TXNDC16: variants seen among roughly 807,000 people sequenced by gnomAD.
TXNDC16 encodes the protein thioredoxin domain-containing protein 16.
A neutral mutation model predicts 85.6 loss-of-function variants in TXNDC16; 74 were observed. The observed-to-expected ratio is 0.86, with a 90% CI of 0.72 to 1.05. TXNDC16 has a LOEUF of 1.05. Among genes scored for constraint, TXNDC16 ranks in the 50% least tolerant of loss-of-function variants. The probability of loss-of-function intolerance (pLI) is 0.00; values close to 1 mark genes in which losing one functional copy is unlikely to be tolerated. For missense variants in TXNDC16, 959 were observed against 947.0 expected, an observed-to-expected ratio of 1.01 and a Z score of -0.17; for synonymous variants, 335 against 326.5, an observed-to-expected ratio of 1.03 and a Z score of -0.28.
At chr14:52,540,437 C>CAATATGG (rs1025596625) in intron 4 of TXNDC16, among the ~76,000 whole-genome samples, 1 of 152,090 alleles carries the variant, frequency 6.6e-6, no homozygotes, top group East Asian at 1.9e-4. Flanking sequence ...CCAGCCTGAC[C>CAATATGG]AATATGGTGA....
intron 9 of TXNDC16, among the ~76,000 whole-genome samples, chr14:52,506,681 C>T (rs1392441051): frequency 4.2e-5 from 6 of 143,554 alleles, no homozygotes; most frequent in Middle Eastern, 3.5e-3. Flanking sequence ...CTCAGCCTCC[C>T]GAGTAGCTGG....
At chr14:52,471,604 C>T (rs957478269) in intron 14 of TXNDC16, among the ~76,000 whole-genome samples, 11 of 152,102 alleles carry the variant, frequency 7.2e-5, no homozygotes, top group South Asian at 2.1e-4. Context: ...ATCTGATCAA[C>T]GTCTGTCTCT....
At chr14:52,452,949 T>C (rs1002035115) in intron 18 of TXNDC16, among the ~76,000 whole-genome samples, 5 of 152,090 alleles carry the variant, frequency 3.3e-5, no homozygotes, top group Admixed American at 6.5e-5. Context: ...AAGGGATTAA[T>C]AACCAGAATA....
chr14:52,441,639 A>T (rs2035168471), intron 18 of TXNDC16, among the ~76,000 whole-genome samples: 1 of 151,890 alleles, frequency 6.6e-6, no homozygotes, highest in South Asian at 2.1e-4. Context: ...AAACAAAAAC[A>T]AGATAAGGAG....
Position 52,482,866 on chromosome 14 carries a change from G to C in TXNDC16, c.1208C>G (p.Ala403Gly), listed in dbSNP as rs141217897. Residue 403 changes from alanine (A) to glycine (G), a missense_variant, in exon 13 of 21, where the codon GCA (alanine) becomes GGA (glycine). Coordinates refer to ENST00000281741, the MANE Select transcript of TXNDC16 (RefSeq NM_020784.3). Reference protein sequence around the residue: ...TVELTEETFNATVMASDSIVL... With the variant: ...TVELTEETFNGTVMASDSIVL... ...TATGCTGTCAGAAGCCATCACTGTTGCATTAAATGTTTCTTCTGTTAGTTC... is the reference window on the plus strand; with the variant it reads ...TATGCTGTCAGAAGCCATCACTGTTCCATTAAATGTTTCTTCTGTTAGTTC... 1.3e-4 allele frequency: 209 copies of C among 1,612,116 alleles called. No homozygotes were observed. The African/African-American group carries it at 1.6e-3, about 12-fold the overall frequency.
intron 1 of TXNDC16, among the ~76,000 whole-genome samples, chr14:52,551,471 A>T (rs2038045278): frequency 8.4e-6 from 1 of 119,674 alleles, no homozygotes; most frequent in South Asian, 3.1e-4. Flanking sequence ...TGCATGAAAA[A>T]AAGGAAAAAA....
chr14:52,524,560 C>A (rs2037282965), intron 6 of TXNDC16, among the ~76,000 whole-genome samples: 1 of 152,036 alleles, frequency 6.6e-6, no homozygotes, highest in African/African-American at 2.4e-5. Flanking sequence ...AAAATCATAG[C>A]TCACTGCAGC....
At chr14:52,541,376 C>T (rs1281573867) in intron 4 of TXNDC16, among the ~76,000 whole-genome samples, 1 of 152,026 alleles carries the variant, frequency 6.6e-6, no homozygotes, top group Non-Finnish European at 1.5e-5. Flanking sequence ...TATGATTATC[C>T]CTTTTGAGTT....
intron 16 of TXNDC16, among the ~76,000 whole-genome samples, chr14:52,463,991 G>C (rs2035713833): frequency 6.6e-6 from 1 of 152,128 alleles, no homozygotes; most frequent in South Asian, 2.1e-4. Flanking sequence ...GTCAAATAAT[G>C]AAGTTATCAT....
At chr14:52,498,873 G>C (rs1375016025) in intron 9 of TXNDC16, among the ~76,000 whole-genome samples, 3 of 152,066 alleles carry the variant, frequency 2.0e-5, no homozygotes, top group Admixed American at 6.6e-5. Context: ...AGACAATCTT[G>C]AGAAAGAAGT....
chr14:52,500,746 A>C (rs1040110960), intron 9 of TXNDC16, among the ~76,000 whole-genome samples: 1 of 152,224 alleles, frequency 6.6e-6, no homozygotes, highest in Non-Finnish European at 1.5e-5. Context: ...CTAATTTCCT[A>C]TATAAAAGAG....
At position 52,465,577 on chromosome 14, in the gene TXNDC16, G is replaced by A. The variant is rs1395921302; in HGVS notation, c.1618+4460C>T. On this transcript the variant is annotated intron_variant, in intron 16 of 20. Transcript: ENST00000281741. ...ACTGCACTCCAGCCTGGGCGACAGA[G>A]CAAGACTCCATCTCAAAAAAAAAAA... Among the ~76,000 whole-genome samples, 6 of 139,988 alleles carry A rather than the reference G, an allele frequency of 4.3e-5. No homozygotes were observed. The East Asian group carries it at 1.2e-3, about 28-fold the overall frequency. The allele number at this position is 139,988 out of a possible 152,430, so 91.8% of individuals were successfully genotyped here. A position where few individuals can be genotyped will look rare whatever the true frequency, so the allele number is the denominator to read the frequency against.
chr14:52,544,280 GT>G lies in TXNDC16; in HGVS notation c.-91del, dbSNP rs1218612856. 2 of 152,032 alleles carry G rather than the reference GT, an allele frequency of 1.3e-5. No homozygotes were observed. The highest frequency in any genetic ancestry group is 3.9e-4 in the East Asian group (2 of 5,186). The allele number at this position is 152,032 out of a possible 1,614,324, so 9.4% of individuals were successfully genotyped here. On this transcript the variant is annotated 5_prime_UTR_variant, in exon 2 of 21. Transcript: ENST00000281741. ...CGTACTTACTTCCATGCTGTCCTCT[GT>G]ATCTGCTGTTAATTCTTTATTTTCT...
Position 52,500,251 on chromosome 14 carries a change from G to A in TXNDC16, c.757-9246C>T, listed in dbSNP as rs762611741. On this transcript the variant is annotated intron_variant, in intron 9 of 20. Transcript: ENST00000281741. ...TGGATAAATAAAATGCGGTATATAC[G>A]TCCAACGGAATATTATTCAGCCTTA... 4.6e-5 allele frequency among the ~76,000 whole-genome samples: 7 copies of A among 152,278 alleles called. No homozygotes were observed. In the South Asian group the frequency reaches 6.2e-4, roughly 14 times the overall value.
intron 13 of TXNDC16, 25 bp downstream of exon 13, chr14:52,482,797 C>A: frequency 6.4e-7 from 1 of 1,561,660 alleles, no homozygotes. Context: ...TAATATGTAA[C>A]AGTCCTCTAA....
chr14:52,530,275 T>TA (rs1219425802), intron 6 of TXNDC16, among the ~76,000 whole-genome samples: 1,916 of 62,300 alleles, frequency 0.031, 50 homozygotes, highest in South Asian at 0.059. Context: ...TATATTATTA[T>TA]TTAATATATA....
intron 4 of TXNDC16, among the ~76,000 whole-genome samples, 198 bp from the exon 5 acceptor site, chr14:52,537,870 A>C (rs2037739518): frequency 6.6e-6 from 1 of 152,198 alleles, no homozygotes; most frequent in Non-Finnish European, 1.5e-5. Flanking sequence ...ACTATTTCTG[A>C]ATTCAGTCTC....
At position 52,509,055 on chromosome 14, in the gene TXNDC16, T is replaced by C. The variant is rs183141609; in HGVS notation, c.756+2185A>G. On this transcript the variant is annotated intron_variant, in intron 9 of 20. Coordinates refer to ENST00000281741, the MANE Select transcript of TXNDC16 (RefSeq NM_020784.3). ...ATGTACCCTAAAACTTAAAGTATAATAAAAAAAACTAATATTACATAATTC... is the reference window on the plus strand; with the variant it reads ...ATGTACCCTAAAACTTAAAGTATAACAAAAAAAACTAATATTACATAATTC... Among the ~76,000 whole-genome samples the C allele has an allele frequency of 3.1e-4, 47 of 151,370 alleles. No homozygotes were observed. The East Asian group carries it at 8.4e-3, about 27-fold the overall frequency.
At chr14:52,456,863 A>G (rs1380990384) in intron 17 of TXNDC16, among the ~76,000 whole-genome samples, 1 of 152,206 alleles carries the variant, frequency 6.6e-6, no homozygotes, top group Non-Finnish European at 1.5e-5. Context: ...AGGATGGTGA[A>G]GTACGAATCC....
Sources: gnomAD v4.1 joint callset for allele counts (sites outside exome capture counted in the v4.1 genomes callset) on GRCh38, gnomAD v4.1.1 for gene constraint, MANE v1.5 for transcripts, NCBI Gene and HGNC (gene_info 2026-07-23, HGNC 2026-07-21) for gene names.